The following CTDSP2 variants were observed in gnomAD, a reference collection of about 807,000 sequenced individuals.
CTDSP2 encodes the protein carboxy-terminal domain RNA polymerase II polypeptide A small phosphatase 2.
A neutral mutation model predicts 31.6 loss-of-function variants in CTDSP2; 9 were observed. The ratio of observed to expected loss-of-function variants is 0.28; its 90% CI spans 0.17 to 0.50. CTDSP2 has a LOEUF of 0.50. CTDSP2 is among the 20% of genes least tolerant of loss of function. The pLI, the probability that CTDSP2 is intolerant of heterozygous loss-of-function variation, is 0.98. For synonymous variants in CTDSP2, 134 were observed against 134.5 expected, an observed-to-expected ratio of 1.00 and a Z score of 0.03; for missense variants, 267 against 348.5, an observed-to-expected ratio of 0.77 and a Z score of 1.86.
intron 1 of CTDSP2, chr12:57,842,279 T>C (rs1335486586): frequency 6.6e-6 from 1 of 152,218 alleles, no homozygotes; most frequent in Non-Finnish European, 1.5e-5. Context: ...TCAATTCACG[T>C]TGGCTAGAAA....
At chr12:57,845,788 C>G (rs1461443288) in intron 1 of CTDSP2, among the ~76,000 whole-genome samples, 2 of 152,084 alleles carry the variant, frequency 1.3e-5, no homozygotes, top group African/African-American at 4.8e-5. Context: ...GAACCCGCCA[C>G]GTCTGGTGCG....
chr12:57,836,388 G>C (rs965360411), intron 1 of CTDSP2, among the ~76,000 whole-genome samples: 5 of 152,228 alleles, frequency 3.3e-5, no homozygotes, highest in African/African-American at 1.2e-4. Flanking sequence ...GGCCGGGGTA[G>C]GTGGCTCAAG....
intron 1 of CTDSP2, among the ~76,000 whole-genome samples, chr12:57,841,569 C>T (rs1426803389): frequency 1.3e-5 from 2 of 152,234 alleles, no homozygotes; most frequent in African/African-American, 4.8e-5. Flanking sequence ...GCCAAAGTCC[C>T]ACAGCCCAGG....
intron 1 of CTDSP2, chr12:57,842,125 GAAAAA>G (rs918139161): frequency 6.7e-6 from 1 of 149,064 alleles, no homozygotes; most frequent in Non-Finnish European, 1.5e-5. Context: ...AAAGCTAGCA[GAAAAA>G]AAAAATTGTA....
rs1027551138 is a variant in CTDSP2, at chr12:57,846,659, C to G, written c.-224G>C. The stretch of plus-strand genomic sequence containing the variant: ...CGGCTCCCCCGGGTGCCCCCGGCCC[C>G]GATCCCCCAGCGGCAGCTCCGGGCT... On this transcript the variant is annotated 5_prime_UTR_variant, in exon 1 of 8. Coordinates refer to ENST00000398073, the MANE Select transcript of CTDSP2 (RefSeq NM_005730.4). 11 of 444,858 alleles carry G rather than the reference C, an allele frequency of 2.5e-5. No homozygotes were observed. Among genetic ancestry groups the G allele is most frequent in the Non-Finnish European group, 4.3e-5 (11 of 254,176 alleles). 27.6% of individuals were successfully genotyped at this position (444,858 alleles called of 1,614,324 possible).
In CTDSP2 at chr12:57,846,725, A is replaced by T. The variant is rs757557550; in HGVS notation, c.-290T>A. ...AACATGGAGAATCCGGAGCGAAAAC[A>T]AGAGGAGGAAATGGGACACGGGGCG... is the stretch of plus-strand genomic sequence containing the variant. On this transcript the variant is annotated 5_prime_UTR_variant, in exon 1 of 8. Transcript: ENST00000398073. The T allele has an allele frequency of 2.1e-4, 67 of 319,592 alleles. No homozygotes were observed. The highest frequency in any genetic ancestry group is 8.5e-5 in the Non-Finnish European group (15 of 176,762). The allele number at this position is 319,592 out of a possible 1,614,324, so 19.8% of individuals were successfully genotyped here. A position where few individuals can be genotyped will look rare whatever the true frequency, so the allele number is the denominator to read the frequency against.
Position 57,823,606 on chromosome 12 carries a change from G to A in CTDSP2, c.812C>T (p.Pro271Leu). ...VYTSLGQLRA[P>L] ...GTCGCTTGGAAGCAGGGCAGGCTAAGGGGCCCGCAGCTGCCCAAGGCTGGT... is the reference window on the plus strand; with the variant it reads ...GTCGCTTGGAAGCAGGGCAGGCTAAAGGGCCCGCAGCTGCCCAAGGCTGGT... The change falls in exon 8 of 8, where the codon CCT becomes CTT. Residue 271 changes from proline to leucine, a missense_variant. Physicochemically the swap from Pro to Leu is moderately conservative, Grantham distance 98 (BLOSUM62 -3). Around this residue, in one of 2 missense-constraint regions of CTDSP2, gnomAD observed 156 missense variants for 241.3 expected, o/e 0.65. Transcript: ENST00000398073. 6.2e-7 allele frequency: 1 copy of A among 1,613,872 alleles called. No individual in the cohort carries two copies. Among genetic ancestry groups the A allele is most frequent in the South Asian group, 1.1e-5 (1 of 91,058 alleles).
rs567017947 is a variant in CTDSP2, at chr12:57,829,431, C to T, written c.213+17G>A. ...AGTCCCTTCATTGCTGGCATCTTAC[C>T]ACCCCAACCCACCTACCTTAGCAAT... On this transcript the variant is annotated intron_variant, in intron 2 of 7. Coordinates refer to ENST00000398073, the MANE Select transcript of CTDSP2 (RefSeq NM_005730.4). 5 of 1,609,360 alleles carry T rather than the reference C, an allele frequency of 3.1e-6. No individual in the cohort carries two copies. In the East Asian group the frequency reaches 1.1e-4, roughly 36 times the overall value.
chr12:57,840,705 G>A (rs1565849160), intron 1 of CTDSP2, among the ~76,000 whole-genome samples: 1 of 146,922 alleles, frequency 6.8e-6, no homozygotes, highest in African/African-American at 2.5e-5. Flanking sequence ...GCTGTGGCAA[G>A]AAATAAAAGA....
At chr12:57,830,837 C>G (rs1448708427) in intron 1 of CTDSP2, among the ~76,000 whole-genome samples, 1 of 152,006 alleles carries the variant, frequency 6.6e-6, no homozygotes, top group East Asian at 2.0e-4. Context: ...CAACCTCCAC[C>G]TCCTGGGTTC....
chr12:57,820,825 C>G lies in CTDSP2; in HGVS notation c.*2777G>C, dbSNP rs888349337. ...CAAAGCTCCCCCTATGAGAGGGACA[C>G]GAACATCAGGCTTTTGATTTAGAAG... On this transcript the variant is annotated 3_prime_UTR_variant, in exon 8 of 8. Transcript: ENST00000398073. 1 of 152,204 alleles carries G rather than the reference C, an allele frequency of 6.6e-6. No individual in the cohort carries two copies. Among genetic ancestry groups the G allele is most frequent in the Non-Finnish European group, 1.5e-5 (1 of 68,052 alleles). The allele number at this position is 152,204 out of a possible 1,614,324, so 9.4% of individuals were successfully genotyped here. A position where few individuals can be genotyped will look rare whatever the true frequency, so the allele number is the denominator to read the frequency against.
chr12:57,830,467 C>T (rs1956209150), intron 1 of CTDSP2, among the ~76,000 whole-genome samples: 1 of 152,110 alleles, frequency 6.6e-6, no homozygotes, highest in Admixed American at 6.5e-5. Flanking sequence ...AGGCTAGAAA[C>T]AAGAGACTAG....
chr12:57,834,663 C>T (rs1417654357), intron 1 of CTDSP2, among the ~76,000 whole-genome samples: 1 of 152,198 alleles, frequency 6.6e-6, no homozygotes, highest in Non-Finnish European at 1.5e-5. Flanking sequence ...CTTTCAATGG[C>T]TCCTTTCAGC....
At chr12:57,845,247 A>C (rs1956307387) in intron 1 of CTDSP2, among the ~76,000 whole-genome samples, 1 of 152,054 alleles carries the variant, frequency 6.6e-6, no homozygotes. Context: ...GGGGCTCTCT[A>C]GAGAAACGCC....
At chr12:57,829,391 G>A in intron 2 of CTDSP2, 57 bp downstream of exon 2, 1 of 1,577,560 alleles carries the variant, frequency 6.3e-7, no homozygotes, top group Non-Finnish European at 8.7e-7. Flanking sequence ...TCGTCTGCAG[G>A]GATCTCCCAT....
rs146470072 is a variant in CTDSP2 at position 57,839,257 on chromosome 12, T to C, written c.64+7115A>G. 7.2e-5 allele frequency among the ~76,000 whole-genome samples: 11 copies of C among 152,302 alleles called. No homozygotes were observed. In the East Asian group the frequency reaches 2.1e-3, roughly 29 times the overall value. On this transcript the variant is annotated intron_variant, in intron 1 of 7. Coordinates refer to ENST00000398073, the MANE Select transcript of CTDSP2 (RefSeq NM_005730.4). ...ATCTAGAAGTCAGGAAACCCAGCTC[T>C]TGCTCCAGTTCAGCTTTTCAACAGT...
chr12:57,832,380 C>T (rs1472259922), intron 1 of CTDSP2, among the ~76,000 whole-genome samples: 1 of 152,176 alleles, frequency 6.6e-6, no homozygotes, highest in East Asian at 1.9e-4. Context: ...TTCAGCAGAG[C>T]CCAGCACTCA....
rs1956320211 is a variant in CTDSP2 at position 57,846,691 on chromosome 12, T to C, written c.-256A>G. The C allele has an allele frequency of 2.4e-6, 1 of 412,962 alleles. No individual in the cohort carries two copies. Among genetic ancestry groups the C allele is most frequent in the Non-Finnish European group, 4.3e-6 (1 of 234,784 alleles). The allele number at this position is 412,962 out of a possible 1,614,324, so 25.6% of individuals were successfully genotyped here. ...CCAGCGGCAGCTCCGGGCTCCTCAGTTTGGGTCCAACATGGAGAATCCGGA... is the reference window on the plus strand; with the variant it reads ...CCAGCGGCAGCTCCGGGCTCCTCAGCTTGGGTCCAACATGGAGAATCCGGA... On this transcript the variant is annotated 5_prime_UTR_variant, in exon 1 of 8. Coordinates refer to ENST00000398073, the MANE Select transcript of CTDSP2 (RefSeq NM_005730.4).
chr12:57,838,834 G>A (rs1956263703), intron 1 of CTDSP2, among the ~76,000 whole-genome samples: 1 of 152,232 alleles, frequency 6.6e-6, no homozygotes, highest in African/African-American at 2.4e-5. Context: ...GGAGCTCAGG[G>A]AGTGTCCTGG....
Sources: gnomAD v4.1 joint callset for allele counts (sites outside exome capture counted in the v4.1 genomes callset) on GRCh38, gnomAD v4.1.1 for gene constraint, gnomAD v4.1.1 regional missense constraint, MANE v1.5 for transcripts, NCBI Gene and HGNC (gene_info 2026-07-23, HGNC 2026-07-21) for gene names.